Variants in WLS observed in about 807,000 individuals in gnomAD.
WLS encodes Wnt ligand secretion mediator.
Under a neutral mutation model 62.8 loss-of-function variants are expected in WLS, and 23 were observed. The observed-to-expected ratio is 0.37, with a 90% CI of 0.26 to 0.52. The LOEUF (loss-of-function observed/expected upper bound fraction) is 0.52. WLS is among the 20% of genes least tolerant of loss of function. The pLI is 0.92. For synonymous variants in WLS, 246 were observed against 244.1 expected (o/e 1.01, Z -0.07); for missense variants, 615 against 697.3 (o/e 0.88, Z 1.33).
At chr1:68,146,330 C>T (rs1253348260) in intron 8 of WLS, among the ~76,000 whole-genome samples, 1 of 152,100 alleles carries the variant, frequency 6.6e-6, no homozygotes, top group Non-Finnish European at 1.5e-5. Context: ...AACCAGGTCC[C>T]CAGGAGATCC....
intron 1 of WLS, among the ~76,000 whole-genome samples, chr1:68,230,692 A>C (rs1309324039): frequency 6.6e-6 from 1 of 152,108 alleles, no homozygotes; most frequent in Non-Finnish European, 1.5e-5. Context: ...GAAAACTCTG[A>C]ACCCTTTTCT....
At position 68,144,573 on chromosome 1, in the gene WLS, C is replaced by T. The variant is rs1371106483; in HGVS notation, c.1358G>A (p.Ser453Asn). The T allele has an allele frequency of 6.2e-7, 1 of 1,613,384 alleles. No homozygotes were observed. ...AAMTVIFFIV[S>N]QVTEGHWKWG... ...GACATCTCAGGGTCCACTTACCTGACTAACGATGAAGAAGATGACAGTCAT... is the reference window on the plus strand; with the variant it reads ...GACATCTCAGGGTCCACTTACCTGATTAACGATGAAGAAGATGACAGTCAT... The change falls in exon 10 of 12, where the codon AGT (serine) becomes AAT (asparagine). Residue 453 changes from serine to asparagine, a missense_variant. Physicochemically the swap from Ser to Asn is conservative, Grantham distance 46 (BLOSUM62 1). Transcript: ENST00000262348.
chr1:68,189,014 T>C (rs893321053), intron 2 of WLS, among the ~76,000 whole-genome samples: 4 of 152,218 alleles, frequency 2.6e-5, no homozygotes, highest in African/African-American at 9.7e-5. Context: ...TGTAAAAATA[T>C]TAGATGAAAA....
intron 11 of WLS, among the ~76,000 whole-genome samples, chr1:68,135,118 A>G (rs550292718): frequency 1.5e-5 from 2 of 133,106 alleles, no homozygotes; most frequent in Non-Finnish European, 3.3e-5. Context: ...GAAGAAAGAC[A>G]ACCATGGACT....
chr1:68,173,541 G>C (rs147161824), intron 2 of WLS, among the ~76,000 whole-genome samples: 1 of 152,314 alleles, frequency 6.6e-6, no homozygotes, highest in Non-Finnish European at 1.5e-5. Flanking sequence ...GGAAAGGAAA[G>C]GGATGGCTAA....
intron 2 of WLS, among the ~76,000 whole-genome samples, chr1:68,173,957 G>A (rs1231831207): frequency 6.6e-6 from 1 of 152,048 alleles, no homozygotes; most frequent in Non-Finnish European, 1.5e-5. Flanking sequence ...AAGTTATCCA[G>A]GAAATAAACA....
Position 68,193,985 on chromosome 1 carries a change from C to G in WLS, c.349G>C (p.Asp117His), listed in dbSNP as rs772843643. The G allele has an allele frequency of 8.7e-6, 14 of 1,613,966 alleles. No individual in the cohort carries two copies. The highest frequency in any genetic ancestry group is 1.7e-6 in the Non-Finnish European group (2 of 1,179,986). ...TGGTTGTTTAGCTTGAAGGCAATGT[C>G]CAGCTGCAGGATAAACAGCATGAAT... is the stretch of plus-strand genomic sequence containing the variant. Reference protein sequence around the residue: ...FQFMLFILQLDIAFKLNNQIR... With the variant: ...FQFMLFILQLHIAFKLNNQIR... The change falls in exon 2 of 12, where the codon GAC becomes CAC. Residue 117 changes from aspartate to histidine, a missense_variant. Asp to His is a moderately conservative substitution (Grantham distance 81). Transcript: ENST00000262348.
rs1394509153 is a variant in WLS, at chr1:68,216,655, A to AT, written c.106+15538dup. On this transcript the variant is annotated intron_variant, in intron 1 of 11. Transcript: ENST00000262348. Reference sequence around the variant, plus strand: ...TCTAGCTGTTGAAACTTAGACAATAATGGGGGAGATGCCAAAATTAATCCA... The same window carrying AT: ...TCTAGCTGTTGAAACTTAGACAATAATTGGGGGAGATGCCAAAATTAATCCA... 3.9e-4 allele frequency among the ~76,000 whole-genome samples: 5 copies of AT among 12,694 alleles called. No individual in the cohort carries two copies. The Admixed American group carries it at 0.012, about 30-fold the overall frequency. The allele number at this position is 12,694 out of a possible 152,430, so 8.3% of individuals were successfully genotyped here. A position where few individuals can be genotyped will look rare whatever the true frequency, so the allele number is the denominator to read the frequency against.
At chr1:68,119,917 G>T (rs1399146350) in intron 11 of WLS, among the ~76,000 whole-genome samples, 2 of 152,246 alleles carry the variant, frequency 1.3e-5, no homozygotes, top group East Asian at 1.9e-4. Context: ...GTTGAAGAGA[G>T]ATCTTGCTTA....
chr1:68,154,524 T>C (rs1041758597), intron 4 of WLS, among the ~76,000 whole-genome samples: 1 of 152,202 alleles, frequency 6.6e-6, no homozygotes, highest in Non-Finnish European at 1.5e-5. Flanking sequence ...TCCTACTTTT[T>C]GTAAGGGAAT....
intron 4 of WLS, among the ~76,000 whole-genome samples, chr1:68,154,060 A>T (rs112620275): frequency 1.3e-3 from 200 of 152,300 alleles, no homozygotes; most frequent in African/African-American, 4.6e-3. Context: ...GTACGGATTA[A>T]TAGGGCAGGT....
intron 2 of WLS, among the ~76,000 whole-genome samples, chr1:68,172,105 T>C (rs931881514): frequency 2.0e-5 from 3 of 148,774 alleles, no homozygotes; most frequent in African/African-American, 5.0e-5. Context: ...TAAGTGGGAG[T>C]TGAACAATGA....
chr1:68,128,190 C>T (rs1333286445), intron 11 of WLS, among the ~76,000 whole-genome samples: 1 of 152,206 alleles, frequency 6.6e-6, no homozygotes, highest in Non-Finnish European at 1.5e-5. Flanking sequence ...CAAGCCAGAG[C>T]ATAGATGCCA....
intron 1 of WLS, among the ~76,000 whole-genome samples, chr1:68,216,309 T>C (rs956250684): frequency 2.0e-5 from 3 of 152,220 alleles, no homozygotes; most frequent in African/African-American, 7.2e-5. Flanking sequence ...TTTTCATAAG[T>C]TTAAAATGTA....
chr1:68,159,465 G>A lies in WLS; in HGVS notation c.380-218C>T, dbSNP rs199911419. Among the ~76,000 whole-genome samples the A allele has an allele frequency of 6.6e-5, 10 of 152,174 alleles. No individual in the cohort carries two copies. The East Asian group carries it at 1.9e-3, about 29-fold the overall frequency. On this transcript the variant is annotated intron_variant, in intron 2 of 11. Coordinates refer to ENST00000262348, the MANE Select transcript of WLS (RefSeq NM_024911.7). ...CATGTCCACTCTGCCAGAGTCAAGAGCCTCCATTTAAACTCTTCCAGAGAC... is the reference window on the plus strand; with the variant it reads ...CATGTCCACTCTGCCAGAGTCAAGAACCTCCATTTAAACTCTTCCAGAGAC...
At chr1:68,163,060 T>G in intron 2 of WLS, 1 of 1,578,354 alleles carries the variant, frequency 6.3e-7, no homozygotes, top group Non-Finnish European at 8.7e-7. Flanking sequence ...AATTGCTGTC[T>G]CTTGACTTTG....
intron 1 of WLS, among the ~76,000 whole-genome samples, chr1:68,229,227 A>C (rs558292994): frequency 6.6e-6 from 1 of 152,236 alleles, no homozygotes; most frequent in South Asian, 2.1e-4. Flanking sequence ...TTTGTGCTGT[A>C]TATTTGTGTG....
chr1:68,217,901 C>A (rs1364800801), intron 1 of WLS, among the ~76,000 whole-genome samples: 1 of 152,274 alleles, frequency 6.6e-6, no homozygotes, highest in African/African-American at 2.4e-5. Flanking sequence ...CTTTGGAGGG[C>A]TTCAGTCCCA....
intron 1 of WLS, among the ~76,000 whole-genome samples, chr1:68,220,422 G>A (rs2100660058): frequency 6.6e-6 from 1 of 152,292 alleles, no homozygotes; most frequent in East Asian, 1.9e-4. Flanking sequence ...CAAGAAGATG[G>A]AACTCGTTCT....
Sources: allele counts gnomAD v4.1 joint callset (sites outside exome capture counted in the v4.1 genomes callset), GRCh38; gene constraint gnomAD v4.1.1; transcripts MANE v1.5; gene names NCBI Gene and HGNC (gene_info 2026-07-23, HGNC 2026-07-21).